Variants in KIRREL3 observed in about 807,000 individuals in gnomAD.
KIRREL3 encodes the protein kirre like nephrin family adhesion molecule 3.
A neutral mutation model predicts 89.7 loss-of-function variants in KIRREL3; 36 were observed. That is an observed-to-expected ratio of 0.40 (90% CI 0.31 to 0.53). KIRREL3 has a LOEUF of 0.53. Among genes scored for constraint, KIRREL3 ranks in the 20% least tolerant of loss-of-function variants. The probability of loss-of-function intolerance (pLI) is 0.49; values close to 1 mark genes in which losing one functional copy is unlikely to be tolerated. For missense variants in KIRREL3, 864 were observed against 1,056.6 expected (o/e 0.82, Z 2.53); for synonymous variants, 445 against 441.4 (o/e 1.01, Z -0.10).
In KIRREL3 at chr11:126,642,311, A is replaced by G. The variant is rs1944502181; in HGVS notation, c.56-79399T>C. On this transcript the variant is annotated intron_variant, in intron 1 of 16. Coordinates refer to ENST00000525144, the MANE Select transcript of KIRREL3 (RefSeq NM_032531.4). The surrounding 1 kb of genome is among the most constrained non-coding windows in gnomAD (Gnocchi z 4.9). ...ACCAGCAAGAGGCTCTGTTTGCGCCAAGTCTCCCTGTAAACACTGTGGTTA... is the reference window on the plus strand; with the variant it reads ...ACCAGCAAGAGGCTCTGTTTGCGCCGAGTCTCCCTGTAAACACTGTGGTTA... Among the ~76,000 whole-genome samples, 1 of 152,212 alleles carries G rather than the reference A, an allele frequency of 6.6e-6. No homozygotes were observed. Among genetic ancestry groups the G allele is most frequent in the Non-Finnish European group, 1.5e-5 (1 of 68,040 alleles).
At chr11:126,659,405 T>C (rs937387568) in intron 1 of KIRREL3, among the ~76,000 whole-genome samples, 3 of 152,198 alleles carry the variant, frequency 2.0e-5, no homozygotes, top group Non-Finnish European at 2.9e-5. Flanking sequence ...TTATTAGTTA[T>C]ATCATCTAAG....
At chr11:126,506,783 T>TTG (rs1337091223) in intron 4 of KIRREL3, among the ~76,000 whole-genome samples, 3 of 151,876 alleles carry the variant, frequency 2.0e-5, no homozygotes, top group African/African-American at 7.3e-5. Flanking sequence ...AACAATTTTT[T>TTG]TTTTTTGTTT....
chr11:126,755,109 C>T lies in KIRREL3; in HGVS notation c.56-192197G>A, dbSNP rs565431413. On this transcript the variant is annotated intron_variant, in intron 1 of 16. Transcript: ENST00000525144. The surrounding 1 kb of genome is among the most constrained non-coding windows in gnomAD (Gnocchi z 4.3). ...TAATCTCCAGCACTTTAGTAACCTC[C>T]TAGTTTGTTTTAAATCTTGATTGGA... 6.6e-6 allele frequency among the ~76,000 whole-genome samples: 1 copy of T among 152,126 alleles called. No individual in the cohort carries two copies. Among genetic ancestry groups the T allele is most frequent in the Non-Finnish European group, 1.5e-5 (1 of 67,992 alleles).
At chr11:126,493,064 G>T (rs1957563356) in intron 4 of KIRREL3, among the ~76,000 whole-genome samples, 1 of 152,248 alleles carries the variant, frequency 6.6e-6, no homozygotes, top group Admixed American at 6.5e-5. Context: ...TTGACGTGGA[G>T]CGTCACAAAG....
At chr11:126,712,390 C>T (rs1475045918) in intron 1 of KIRREL3, among the ~76,000 whole-genome samples, 1 of 152,210 alleles carries the variant, frequency 6.6e-6, no homozygotes, top group Non-Finnish European at 1.5e-5. Flanking sequence ...CCGAGCCCCT[C>T]AGAGCCCTCT....
chr11:126,823,139 A>C (rs1451185431), intron 1 of KIRREL3, among the ~76,000 whole-genome samples: 1 of 152,216 alleles, frequency 6.6e-6, no homozygotes, highest in Non-Finnish European at 1.5e-5. Flanking sequence ...GCAAATCCAG[A>C]GTCCATGGGC....
Position 126,776,757 on chromosome 11 carries a change from G to A in KIRREL3, c.56-213845C>T, listed in dbSNP as rs1950180466. Among the ~76,000 whole-genome samples, 1 of 152,138 alleles carries A rather than the reference G, an allele frequency of 6.6e-6. No homozygotes were observed. The highest frequency in any genetic ancestry group is 1.5e-5 in the Non-Finnish European group (1 of 68,036). ...CCAACACCACTTCTTCTTTCACCAAGTCCTCTCCCTGCTGCTCTTTCCCAT... is the reference window on the plus strand; with the variant it reads ...CCAACACCACTTCTTCTTTCACCAAATCCTCTCCCTGCTGCTCTTTCCCAT... On this transcript the variant is annotated intron_variant, in intron 1 of 16. Coordinates refer to ENST00000525144, the MANE Select transcript of KIRREL3 (RefSeq NM_032531.4). This position sits in a 1 kb window ranked among gnomAD's most constrained non-coding sequence, Gnocchi z 4.7.
chr11:126,567,527 T>A (rs1053281464), intron 1 of KIRREL3, among the ~76,000 whole-genome samples: 4 of 152,132 alleles, frequency 2.6e-5, no homozygotes, highest in Non-Finnish European at 4.4e-5. Context: ...GAGGAGTGGG[T>A]CTTCTCTGAG....
chr11:126,741,179 A>T (rs780546754), intron 1 of KIRREL3, among the ~76,000 whole-genome samples: 5 of 152,074 alleles, frequency 3.3e-5, no homozygotes, highest in Admixed American at 6.5e-5. Flanking sequence ...TTTGTGCTTC[A>T]CCTTCTGTTC....
rs1956626582 is a variant in KIRREL3 at position 126,463,730 on chromosome 11, G to A, written c.592-423C>T. On this transcript the variant is annotated intron_variant, in intron 5 of 16. Coordinates refer to ENST00000525144, the MANE Select transcript of KIRREL3 (RefSeq NM_032531.4). This position sits in a 1 kb window ranked among gnomAD's most constrained non-coding sequence, Gnocchi z 5.9. ...ATGGTTTGCAACCAGCAGGGACTGTGGCCCCTGAGCGGGGACAGTCTGCAG... is the reference window on the plus strand; with the variant it reads ...ATGGTTTGCAACCAGCAGGGACTGTAGCCCCTGAGCGGGGACAGTCTGCAG... Among the ~76,000 whole-genome samples the A allele has an allele frequency of 6.6e-6, 1 of 152,210 alleles. No individual in the cohort carries two copies. The highest frequency in any genetic ancestry group is 2.4e-5 in the African/African-American group (1 of 41,458).
intron 1 of KIRREL3, among the ~76,000 whole-genome samples, chr11:126,733,998 AAG>A (rs1948719525): frequency 6.6e-6 from 1 of 152,182 alleles, no homozygotes. Context: ...GTGAGGTGGG[AAG>A]CAGCCCAGAA....
At position 126,778,176 on chromosome 11, in the gene KIRREL3, G is replaced by A; in HGVS notation, c.56-215264C>T. On this transcript the variant is annotated intron_variant, in intron 1 of 16. Transcript: ENST00000525144. This position sits in a 1 kb window ranked among gnomAD's most constrained non-coding sequence, Gnocchi z 4.5. ...GTGGATATCCTACACCCTTTCTAGG[G>A]TTGTATATTCATGAGATTCACATGC... 6.6e-6 allele frequency among the ~76,000 whole-genome samples: 1 copy of A among 152,172 alleles called. No individual in the cohort carries two copies. The highest frequency in any genetic ancestry group is 6.5e-5 in the Admixed American group (1 of 15,282).
At chr11:126,866,328 A>G (rs1423504443) in intron 1 of KIRREL3, among the ~76,000 whole-genome samples, 3 of 152,216 alleles carry the variant, frequency 2.0e-5, no homozygotes, top group Non-Finnish European at 4.4e-5. Context: ...GCCTTCCTAC[A>G]GCCTGTGTAT....
intron 1 of KIRREL3, among the ~76,000 whole-genome samples, chr11:126,590,988 C>T (rs1327205794): frequency 2.0e-5 from 3 of 152,274 alleles, no homozygotes; most frequent in South Asian, 4.1e-4. Flanking sequence ...TTTGGGAGGC[C>T]GCTGAGGCGG....
rs940806151 is a variant in KIRREL3, at chr11:126,812,509, G to C, written c.55+187946C>G. Among the ~76,000 whole-genome samples the C allele has an allele frequency of 1.3e-5, 2 of 152,130 alleles. No homozygotes were observed. The highest frequency in any genetic ancestry group is 4.8e-5 in the African/African-American group (2 of 41,418). ...TGAAAGGCAAGACAGATGCACACGA[G>C]TCAGTTCTGCCACTCCAGTACTCCG... On this transcript the variant is annotated intron_variant, in intron 1 of 16. Transcript: ENST00000525144. This position sits in a 1 kb window ranked among gnomAD's most constrained non-coding sequence, Gnocchi z 5.2.
Position 126,987,639 on chromosome 11 carries a change from C to T in KIRREL3, c.55+12816G>A, listed in dbSNP as rs544263727. On this transcript the variant is annotated intron_variant, in intron 1 of 16. Coordinates refer to ENST00000525144, the MANE Select transcript of KIRREL3 (RefSeq NM_032531.4). This position sits in a 1 kb window ranked among gnomAD's most constrained non-coding sequence, Gnocchi z 4.6. ...CATTGATATGGATTTGGAACCCAGGCATCAGCTGCCAAGGCTCTGTTGATA... is the reference window on the plus strand; with the variant it reads ...CATTGATATGGATTTGGAACCCAGGTATCAGCTGCCAAGGCTCTGTTGATA... Among the ~76,000 whole-genome samples, 14 of 152,330 alleles carry T rather than the reference C, an allele frequency of 9.2e-5. No individual in the cohort carries two copies. In the South Asian group the frequency reaches 2.9e-3, roughly 32 times the overall value.
In KIRREL3 at chr11:126,651,122, C is replaced by A. The variant is rs1190414247; in HGVS notation, c.56-88210G>T. Among the ~76,000 whole-genome samples the A allele has an allele frequency of 1.3e-5, 2 of 152,272 alleles. No homozygotes were observed. The highest frequency in any genetic ancestry group is 3.9e-4 in the East Asian group (2 of 5,176). ...ACAACACATAGGAATTATGGGAGTA[C>A]AATTCAAGATGATATGTGGGTGGGG... is the stretch of plus-strand genomic sequence containing the variant. On this transcript the variant is annotated intron_variant, in intron 1 of 16. Coordinates refer to ENST00000525144, the MANE Select transcript of KIRREL3 (RefSeq NM_032531.4). This position sits in a 1 kb window ranked among gnomAD's most constrained non-coding sequence, Gnocchi z 4.6.
chr11:126,662,906 CTTTTTTTTT>C lies in KIRREL3; in HGVS notation c.56-100003_56-99995del, dbSNP rs756193928. The stretch of plus-strand genomic sequence containing the variant: ...GATTTTACTTTTTCCAAAGTCCTTT[CTTTTTTTTT>C]TTTTTTTTTTTTGCTCCATCTCTCT... On this transcript the variant is annotated intron_variant, in intron 1 of 16. Coordinates refer to ENST00000525144, the MANE Select transcript of KIRREL3 (RefSeq NM_032531.4). Among the ~76,000 whole-genome samples, 205 of 91,898 alleles carry C rather than the reference CTTTTTTTTT, an allele frequency of 2.2e-3. 4 individuals are homozygous for C. The East Asian group carries it at 0.058, about 26-fold the overall frequency. The allele number at this position is 91,898 out of a possible 152,430, so 60.3% of individuals were successfully genotyped here. A position where few individuals can be genotyped will look rare whatever the true frequency, so the allele number is the denominator to read the frequency against.
intron 7 of KIRREL3, among the ~76,000 whole-genome samples, chr11:126,451,315 TGGTTGTGTGCATTA>T (rs1437315666): frequency 4.2e-5 from 6 of 142,352 alleles, no homozygotes; most frequent in African/African-American, 1.6e-4. Flanking sequence ...TGTGTGCATG[TGGTTGTGTGCATTA>T]GTGAGTGTGT....
Sources: allele counts gnomAD v4.1 joint callset (sites outside exome capture counted in the v4.1 genomes callset), GRCh38; gene constraint gnomAD v4.1.1; non-coding constraint Gnocchi (gnomAD v3.1); transcripts MANE v1.5; gene names NCBI Gene and HGNC (gene_info 2026-07-23, HGNC 2026-07-21).